RYR2: variants seen among roughly 807,000 people sequenced by gnomAD.
The protein encoded by RYR2 is cardiac muscle ryanodine receptor-calcium release channel.
In RYR2, 227 loss-of-function variants were observed where a neutral mutation model predicts 601.1. The ratio of observed to expected loss-of-function variants is 0.38; its 90% CI spans 0.34 to 0.42. The LOEUF is 0.42. Among genes scored for constraint, RYR2 ranks in the 10% least tolerant of loss-of-function variants. The probability of loss-of-function intolerance (pLI) is 1.00; values close to 1 mark genes in which losing one functional copy is unlikely to be tolerated. For synonymous variants in RYR2, 2,223 were observed against 2,175.1 expected (o/e 1.02, Z -0.61); for missense variants, 4,646 against 6,156.5 (o/e 0.75, Z 8.21).
intron 3 of RYR2, among the ~76,000 whole-genome samples, chr1:237,336,406 T>G (rs1457810987): frequency 6.6e-6 from 1 of 152,218 alleles, no homozygotes; most frequent in East Asian, 1.9e-4. Flanking sequence ...GCTTATTGTT[T>G]TATAAGAAAC....
intron 56 of RYR2, 133 bp from the exon 57 acceptor site, chr1:237,666,379 T>C: frequency 1.4e-6 from 1 of 709,608 alleles, no homozygotes; most frequent in South Asian, 1.8e-5. Flanking sequence ...AACATCATTT[T>C]GTATAGAAAC....
intron 24 of RYR2, among the ~76,000 whole-genome samples, chr1:237,523,352 T>C (rs2147876608): frequency 6.6e-6 from 1 of 152,320 alleles, no homozygotes; most frequent in East Asian, 1.9e-4. Context: ...TTGTAGTAAA[T>C]CATACCAATC....
At chr1:237,416,086 G>A (rs1198542900) in intron 10 of RYR2, among the ~76,000 whole-genome samples, 1 of 152,162 alleles carries the variant, frequency 6.6e-6, no homozygotes, top group African/African-American at 2.4e-5. Context: ...GACAATAGGA[G>A]TTTCCACAGT....
intron 45 of RYR2, 74 bp from the exon 46 acceptor site, chr1:237,638,941 T>C (rs1434938966): frequency 4.7e-6 from 7 of 1,493,832 alleles, no homozygotes; most frequent in African/African-American, 1.4e-5. Flanking sequence ...TAGGAAATGA[T>C]TAGTATAACA....
intron 28 of RYR2, 24 bp downstream of exon 28, chr1:237,566,799 A>G (rs1171681553): frequency 6.2e-7 from 1 of 1,613,034 alleles, no homozygotes; most frequent in Admixed American, 1.7e-5. Context: ...GTCCTGTGCC[A>G]GTCATCTGTA....
chr1:237,473,477 C>CTTTCTTCTTCTTTCT (rs1553464755), intron 17 of RYR2, among the ~76,000 whole-genome samples: 1 of 145,556 alleles, frequency 6.9e-6, no homozygotes, highest in Non-Finnish European at 1.5e-5. Context: ...ATCTATCTAT[C>CTTTCTTCTTCTTTCT]TGGCATATAT....
chr1:237,809,969 G>A (rs1205096154), intron 100 of RYR2, among the ~76,000 whole-genome samples: 1 of 151,668 alleles, frequency 6.6e-6, no homozygotes, highest in Admixed American at 6.6e-5. Context: ...TATTTGGGGG[G>A]AAATGATAAA....
intron 80 of RYR2, among the ~76,000 whole-genome samples, chr1:237,749,839 A>G (rs941131067): frequency 6.6e-6 from 1 of 152,128 alleles, no homozygotes; most frequent in African/African-American, 2.4e-5. Context: ...ATGTGACACA[A>G]AAATGTTTTA....
intron 12 of RYR2, among the ~76,000 whole-genome samples, chr1:237,426,975 G>T (rs1405035412): frequency 6.6e-6 from 1 of 152,188 alleles, no homozygotes; most frequent in East Asian, 1.9e-4. Context: ...AGGTGCTCCA[G>T]TTGCCTTCTA....
At chr1:237,585,857 G>T (rs1444211556) in intron 29 of RYR2, among the ~76,000 whole-genome samples, 1 of 151,936 alleles carries the variant, frequency 6.6e-6, no homozygotes, top group African/African-American at 2.4e-5. Context: ...ATGCAAAAAT[G>T]GGGTGTATTT....
chr1:237,270,714 C>A, intron 2 of RYR2, 98 bp downstream of exon 2: 3 of 1,310,324 alleles, frequency 2.3e-6, no homozygotes, highest in African/African-American at 1.5e-5. Flanking sequence ...GGAATACATA[C>A]TATATAAATG....
intron 1 of RYR2, among the ~76,000 whole-genome samples, chr1:237,253,544 A>G (rs1400097273): frequency 1.3e-5 from 2 of 152,246 alleles, no homozygotes; most frequent in Admixed American, 6.5e-5. Flanking sequence ...TAAAACTTGT[A>G]TCATGATTTT....
At chr1:237,642,677 A>G (rs745868427) in intron 47 of RYR2, among the ~76,000 whole-genome samples, 2 of 152,134 alleles carry the variant, frequency 1.3e-5, no homozygotes, top group Non-Finnish European at 2.9e-5. Context: ...AATGAGGTAA[A>G]CAGATGCCCA....
intron 24 of RYR2, among the ~76,000 whole-genome samples, chr1:237,524,973 G>A (rs1667429828): frequency 6.6e-6 from 1 of 151,994 alleles, no homozygotes; most frequent in Admixed American, 6.6e-5. Context: ...TGTAACATAG[G>A]TATATTGCTA....
chr1:237,645,940 AGTCTTGG>A (rs1682090152), intron 48 of RYR2, among the ~76,000 whole-genome samples: 1 of 147,426 alleles, frequency 6.8e-6, no homozygotes, highest in South Asian at 2.2e-4. Flanking sequence ...GCAGTGGCGC[AGTCTTGG>A]CTCACTGCAA....
chr1:237,796,879 G>T (rs1376914675), intron 96 of RYR2, among the ~76,000 whole-genome samples: 1 of 151,964 alleles, frequency 6.6e-6, no homozygotes. Flanking sequence ...CCACCTCCTG[G>T]GTTCAAGTGA....
intron 27 of RYR2, among the ~76,000 whole-genome samples, chr1:237,562,542 T>C (rs1671562779): frequency 6.6e-6 from 1 of 152,178 alleles, no homozygotes; most frequent in African/African-American, 2.4e-5. Flanking sequence ...GAGCACAGTC[T>C]TTGCTCAGTC....
rs779146564 is a variant in RYR2 at position 237,550,644 on chromosome 1, C to T, written c.3167C>T (p.Thr1056Met). ...GACAGCCTCCGCGAGGCTGTGCGCA[C>T]GCTGCTGGGGTACGGCTACAACTTG... Reference protein sequence around the residue: ...NKDSLREAVRTLLGYGYNLEA... With the variant: ...NKDSLREAVRMLLGYGYNLEA... Residue 1056 changes from threonine to methionine, a missense_variant, in exon 27 of 105, where the codon ACG (threonine) becomes ATG (methionine). Coordinates refer to ENST00000366574, the MANE Select transcript of RYR2 (RefSeq NM_001035.3). The T allele has an allele frequency of 9.5e-6, 15 of 1,577,800 alleles. No homozygotes were observed. Among genetic ancestry groups the T allele is most frequent in the African/African-American group, 2.7e-5 (2 of 74,142 alleles).
chr1:237,126,505 CT>C (rs1285787584), intron 1 of RYR2, among the ~76,000 whole-genome samples: 1 of 152,140 alleles, frequency 6.6e-6, no homozygotes, highest in Non-Finnish European at 1.5e-5. Flanking sequence ...CCCCATCAGC[CT>C]GGCCAAGGCT....
Sources: allele counts gnomAD v4.1 joint callset (sites outside exome capture counted in the v4.1 genomes callset), GRCh38; gene constraint gnomAD v4.1.1; transcripts MANE v1.5; gene names NCBI Gene and HGNC (gene_info 2026-07-23, HGNC 2026-07-21).